ZNF678: variants seen among roughly 807,000 people sequenced by gnomAD.
ZNF678 encodes hypothetical protein MGC42493.
ZNF678 carries 5 observed loss-of-function variants against 3.0 expected under a neutral mutation model. The ratio of observed to expected loss-of-function variants is 1.69; its 90% CI spans 0.88 to 3.56. The LOEUF is 3.56. Ranked by LOEUF, ZNF678 falls within the 30% of genes most tolerant of loss-of-function variation. The probability of loss-of-function intolerance (pLI) is 0.00; values close to 1 mark genes in which losing one functional copy is unlikely to be tolerated. For missense variants in ZNF678, 593 were observed against 605.0 expected (o/e 0.98, Z 0.21); for synonymous variants, 218 against 199.6 (o/e 1.09, Z -0.78).
intron 1 of ZNF678, among the ~76,000 whole-genome samples, chr1:227,589,668 G>A (rs1191008504): frequency 1.3e-5 from 2 of 151,636 alleles, no homozygotes; most frequent in African/African-American, 4.9e-5. Context: ...ACTGGGGACT[G>A]CATGCACCAG....
intron 1 of ZNF678, among the ~76,000 whole-genome samples, chr1:227,618,955 G>A (rs888059408): frequency 2.0e-5 from 3 of 152,152 alleles, no homozygotes; most frequent in Non-Finnish European, 2.9e-5. Flanking sequence ...ATGGCAAGGG[G>A]CAAAGGGGAA....
At chr1:227,674,386 C>A (rs1659648087) in intron 5 of ZNF678, among the ~76,000 whole-genome samples, 1 of 151,804 alleles carries the variant, frequency 6.6e-6, no homozygotes, top group Non-Finnish European at 1.5e-5. Flanking sequence ...CATAAATCCA[C>A]AAGGATAGGA....
intron 1 of ZNF678, among the ~76,000 whole-genome samples, chr1:227,629,549 G>A (rs902689438): frequency 1.3e-5 from 2 of 152,220 alleles, no homozygotes; most frequent in African/African-American, 4.8e-5. Flanking sequence ...AGTTGTCTGG[G>A]ACAGGAGAGT....
intron 1 of ZNF678, chr1:227,599,038 A>G (rs111891275): frequency 0.026 from 40,470 of 1,563,896 alleles, 600 homozygotes; most frequent in Middle Eastern, 0.031. Flanking sequence ...CTTCCCAGGT[A>G]GGCCTTGGTC....
At chr1:227,623,026 A>G (rs994709393) in intron 1 of ZNF678, among the ~76,000 whole-genome samples, 4 of 152,196 alleles carry the variant, frequency 2.6e-5, no homozygotes, top group African/African-American at 7.2e-5. Flanking sequence ...TCCTCCTTCC[A>G]ATTAGAACCA....
At chr1:227,581,353 GAAAA>G (rs1657124371) in intron 1 of ZNF678, among the ~76,000 whole-genome samples, 1 of 151,150 alleles carries the variant, frequency 6.6e-6, no homozygotes, top group Non-Finnish European at 1.5e-5. Context: ...AATAAAGAAA[GAAAA>G]GAAGGAAGGA....
intron 1 of ZNF678, among the ~76,000 whole-genome samples, chr1:227,645,500 A>G (rs1172540277): frequency 3.9e-5 from 6 of 152,200 alleles, no homozygotes; most frequent in Admixed American, 3.9e-4. Flanking sequence ...TCTTTCCTAT[A>G]TATCAATGTT....
intron 1 of ZNF678, among the ~76,000 whole-genome samples, chr1:227,579,197 C>T (rs942123572): frequency 2.6e-5 from 4 of 151,996 alleles, no homozygotes; most frequent in African/African-American, 9.7e-5. Flanking sequence ...TACAGGCGTT[C>T]ATTGGAATGG....
At chr1:227,601,519 T>C (rs1657738100) in intron 1 of ZNF678, among the ~76,000 whole-genome samples, 1 of 151,644 alleles carries the variant, frequency 6.6e-6, no homozygotes, top group Admixed American at 6.6e-5. Context: ...GTGAATGGGA[T>C]TCCATTCCTG....
At chr1:227,677,011 T>C (rs889420698) in intron 5 of ZNF678, among the ~76,000 whole-genome samples, 1 of 152,278 alleles carries the variant, frequency 6.6e-6, no homozygotes, top group East Asian at 1.9e-4. Flanking sequence ...TAGCAGCATG[T>C]TTTATAATCC....
rs1177022613 is a variant in ZNF678, at chr1:227,660,256, TGTG to T, written c.*4429_*4431del. Reference sequence around the variant, plus strand: ...TCTTTTACTGTACTATATGAATTTTTGTGTTTTTTTTGTGAAAAATTTTATTGA... The same window carrying T: ...TCTTTTACTGTACTATATGAATTTTTTTTTTTTTGTGAAAAATTTTATTGA... On this transcript the variant is annotated 3_prime_UTR_variant, in exon 4 of 4. Transcript: ENST00000343776. 3 of 135,114 alleles carry T rather than the reference TGTG, an allele frequency of 2.2e-5. No homozygotes were observed. The East Asian group carries it at 6.7e-4, about 30-fold the overall frequency. The allele number at this position is 135,114 out of a possible 1,614,324, so 8.4% of individuals were successfully genotyped here.
chr1:227,655,664 C>G lies in ZNF678; in HGVS notation c.1414C>G (p.Gln472Glu). Residue 472 changes from glutamine (Q) to glutamate (E), a missense_variant, in exon 4 of 4, where the codon CAG becomes GAG. Gln to Glu is a conservative substitution (Grantham distance 29). Transcript: ENST00000343776. ...TGAAGAATGTGGCAAAGCCTTTAAC[C>G]AGTTCTCAAGCCTTACTCGTCATAA... is the stretch of plus-strand genomic sequence containing the variant. ...KCEECGKAFNQFSSLTRHKRI... is the reference protein window; with the variant it reads ...KCEECGKAFNEFSSLTRHKRI... 2 of 1,612,434 alleles carry G rather than the reference C, an allele frequency of 1.2e-6. No individual in the cohort carries two copies. The highest frequency in any genetic ancestry group is 1.7e-6 in the Non-Finnish European group (2 of 1,179,118).
intron 1 of ZNF678, among the ~76,000 whole-genome samples, chr1:227,584,458 C>CT (rs149684471): frequency 0.011 from 1,641 of 152,320 alleles, 34 homozygotes; most frequent in African/African-American, 0.038. Context: ...AAAACTACAG[C>CT]TAGGTATTTA....
At position 227,660,809 on chromosome 1, in the gene ZNF678, G is replaced by C. The variant is rs1436620920; in HGVS notation, c.*4981G>C. 1 of 152,172 alleles carries C rather than the reference G, an allele frequency of 6.6e-6. No homozygotes were observed. The highest frequency in any genetic ancestry group is 1.5e-5 in the Non-Finnish European group (1 of 68,026). The allele number at this position is 152,172 out of a possible 1,614,324, so 9.4% of individuals were successfully genotyped here. A position where few individuals can be genotyped will look rare whatever the true frequency, so the allele number is the denominator to read the frequency against. On this transcript the variant is annotated 3_prime_UTR_variant, in exon 4 of 4. Transcript: ENST00000343776. ...CTTAGAAAAAAGGCTTACAACTTTT[G>C]AAGGTTTAGCATGATGTCAGATGTC...
chr1:227,589,231 A>G (rs1454212691), intron 1 of ZNF678, among the ~76,000 whole-genome samples: 1 of 151,764 alleles, frequency 6.6e-6, no homozygotes, highest in African/African-American at 2.4e-5. Flanking sequence ...TATGTGCTGA[A>G]TGGTACTACC....
At chr1:227,602,037 T>C (rs1429301110) in intron 1 of ZNF678, among the ~76,000 whole-genome samples, 2 of 152,208 alleles carry the variant, frequency 1.3e-5, no homozygotes, top group Non-Finnish European at 2.9e-5. Flanking sequence ...ACTTCCTCTC[T>C]TCTTACTTGG....
chr1:227,596,176 C>T (rs1056649140), intron 1 of ZNF678, among the ~76,000 whole-genome samples: 18 of 152,156 alleles, frequency 1.2e-4, no homozygotes, highest in Admixed American at 2.6e-4. Context: ...TGGAGTCCCC[C>T]GCAGGGATGT....
chr1:227,618,225 A>C (rs1200559217), intron 1 of ZNF678, among the ~76,000 whole-genome samples: 1 of 152,114 alleles, frequency 6.6e-6, no homozygotes, highest in Non-Finnish European at 1.5e-5. Flanking sequence ...ATCTTCACAA[A>C]AGGCTCTCAC....
intron 1 of ZNF678, among the ~76,000 whole-genome samples, chr1:227,602,718 C>T (rs908514440): frequency 6.6e-6 from 1 of 152,224 alleles, no homozygotes; most frequent in Non-Finnish European, 1.5e-5. Context: ...CCTCCTAGCA[C>T]TTTCCTGACT....
Sources: gnomAD v4.1 joint callset for allele counts (sites outside exome capture counted in the v4.1 genomes callset) on GRCh38, gnomAD v4.1.1 for gene constraint, MANE v1.5 for transcripts, NCBI Gene and HGNC (gene_info 2026-07-23, HGNC 2026-07-21) for gene names.